CDH18: variants seen among roughly 807,000 people sequenced by gnomAD.
The protein encoded by CDH18 is cadherin 18.
A neutral mutation model predicts 67.9 loss-of-function variants in CDH18; 31 were observed. The ratio of observed to expected loss-of-function variants is 0.46; its 90% confidence interval spans 0.34 to 0.62. The LOEUF (loss-of-function observed/expected upper bound fraction) is 0.62, where lower values mean the gene tolerates loss of function less well. Among genes scored for constraint, CDH18 ranks in the 20% least tolerant of loss-of-function variants. CDH18 has a pLI of 0.01. For synonymous variants in CDH18, 362 were observed against 347.2 expected (o/e 1.04, Z -0.48); for missense variants, 890 against 975.5 (o/e 0.91, Z 1.17).
At chr5:19,877,751 T>C (rs1410386158) in intron 2 of CDH18, among the ~76,000 whole-genome samples, 1 of 152,134 alleles carries the variant, frequency 6.6e-6, no homozygotes, top group Non-Finnish European at 1.5e-5. Flanking sequence ...AAGGCACCGA[T>C]GTAGGAAAAT....
intron 1 of CDH18, among the ~76,000 whole-genome samples, chr5:20,492,184 T>C (rs973495357): frequency 6.6e-6 from 1 of 152,082 alleles, no homozygotes; most frequent in African/African-American, 2.4e-5. Context: ...CATTGATTTT[T>C]TTTTTGCCAG....
intron 5 of CDH18, among the ~76,000 whole-genome samples, chr5:19,688,469 T>C (rs964710839): frequency 5.3e-5 from 8 of 152,146 alleles, no homozygotes; most frequent in African/African-American, 1.4e-4. Context: ...AAGACTATAC[T>C]ACTTAATGCA....
chr5:19,997,824 G>A (rs1247243805), intron 2 of CDH18, among the ~76,000 whole-genome samples: 1 of 150,362 alleles, frequency 6.7e-6, no homozygotes, highest in Non-Finnish European at 1.5e-5. Flanking sequence ...GGCACGCATA[G>A]GGTGTCATGA....
chr5:20,222,923 A>T (rs1741344201), intron 2 of CDH18, among the ~76,000 whole-genome samples: 1 of 152,084 alleles, frequency 6.6e-6, no homozygotes, highest in African/African-American at 2.4e-5. Context: ...ATCATATGAA[A>T]ATATTCTATT....
At chr5:19,852,738 A>G (rs1783848925) in intron 2 of CDH18, among the ~76,000 whole-genome samples, 1 of 152,014 alleles carries the variant, frequency 6.6e-6, no homozygotes, top group Admixed American at 6.6e-5. Context: ...CACTTTTACG[A>G]AAACCCATAC....
chr5:19,536,577 T>C (rs1749455368), intron 9 of CDH18, among the ~76,000 whole-genome samples: 1 of 152,198 alleles, frequency 6.6e-6, no homozygotes, highest in South Asian at 2.1e-4. Flanking sequence ...TGTCATAGGA[T>C]TGGAACTAAA....
intron 1 of CDH18, among the ~76,000 whole-genome samples, chr5:20,569,502 T>C (rs1758691460): frequency 6.6e-6 from 1 of 152,024 alleles, no homozygotes; most frequent in Non-Finnish European, 1.5e-5. Flanking sequence ...TCCCAGCTCC[T>C]TGGGAGGCTG....
At position 19,483,423 on chromosome 5, in the gene CDH18, C is replaced by G. The variant is rs767397387; in HGVS notation, c.1760G>C (p.Arg587Thr). The change falls in exon 12 of 13, where the codon AGG (arginine) becomes ACG (threonine). Residue 587 changes from arginine (R) to threonine (T), a missense_variant. By Grantham distance (71) the Arg-to-Thr change is moderately conservative. Around this residue, in one of 2 missense-constraint regions of CDH18, gnomAD observed 656 missense variants for 668.1 expected, o/e 0.98. Transcript: ENST00000382275. ...CCCATCTCTCTCGCATGCACAAACC[C>G]TGATGGTGAGGGTGCTGCTGCTGCT... ...SLSSSSTLTI[R>T]VCACERDGRV... The G allele has an allele frequency of 3.2e-5, 51 of 1,614,020 alleles. No homozygotes were observed. Among genetic ancestry groups the G allele is most frequent in the Non-Finnish European group, 4.2e-5 (49 of 1,180,026 alleles).
intron 2 of CDH18, among the ~76,000 whole-genome samples, chr5:20,057,760 G>A (rs987465139): frequency 6.6e-6 from 1 of 151,862 alleles, no homozygotes; most frequent in Admixed American, 6.6e-5. Context: ...TTTCTAATTT[G>A]TTTCAGCAAT....
intron 1 of CDH18, chr5:20,304,856 G>A (rs540855578): frequency 1.2e-6 from 2 of 1,611,650 alleles, no homozygotes; most frequent in African/African-American, 1.3e-5. Context: ...CCGTGTTGCT[G>A]TTCAATGTTT....
chr5:20,137,390 T>G (rs1749822572), intron 2 of CDH18, among the ~76,000 whole-genome samples: 1 of 152,190 alleles, frequency 6.6e-6, no homozygotes, highest in Admixed American at 6.6e-5. Context: ...CTGAAGCTTG[T>G]GCATGCATCA....
chr5:20,407,722 A>T (rs77463128), intron 1 of CDH18, among the ~76,000 whole-genome samples: 4 of 149,430 alleles, frequency 2.7e-5, no homozygotes, highest in East Asian at 3.9e-4. Context: ...AAAAAAAATA[A>T]TTTTTTTTTT....
intron 2 of CDH18, among the ~76,000 whole-genome samples, chr5:19,921,424 G>T (rs1240928330): frequency 1.3e-5 from 2 of 151,214 alleles, no homozygotes; most frequent in Non-Finnish European, 2.9e-5. Flanking sequence ...CCAGCTACTC[G>T]GGAGGCTGAG....
intron 1 of CDH18, among the ~76,000 whole-genome samples, chr5:20,350,289 A>G (rs1313772115): frequency 3.9e-5 from 6 of 152,180 alleles, no homozygotes; most frequent in African/African-American, 1.4e-4. Context: ...AAAATGAAGT[A>G]TGAATCAGTG....
intron 1 of CDH18, among the ~76,000 whole-genome samples, chr5:20,564,086 C>T (rs1159706452): frequency 6.6e-6 from 1 of 151,846 alleles, no homozygotes; most frequent in Non-Finnish European, 1.5e-5. Context: ...TTTTCCTTAG[C>T]ATAGTAATAA....
At chr5:20,575,635 A>G (rs1759073138) in exon 1 of CDH18, 1 of 152,084 alleles carries the variant, frequency 6.6e-6, no homozygotes, top group African/African-American at 2.4e-5. Flanking sequence ...CTCTTGTAAA[A>G]AGAAAGGCAC....
intron 2 of CDH18, among the ~76,000 whole-genome samples, chr5:20,203,048 G>C (rs1229021242): frequency 6.6e-6 from 1 of 152,180 alleles, no homozygotes; most frequent in African/African-American, 2.4e-5. Flanking sequence ...ACTAAGCAGA[G>C]AGTAAGAGAA....
At chr5:19,508,264 G>C (rs1485296450) in intron 10 of CDH18, among the ~76,000 whole-genome samples, 1 of 151,938 alleles carries the variant, frequency 6.6e-6, no homozygotes, top group Non-Finnish European at 1.5e-5. Flanking sequence ...ACATGTTTAT[G>C]GTTTTTAGAA....
intron 4 of CDH18, among the ~76,000 whole-genome samples, chr5:19,732,686 T>G (rs1337171376): frequency 3.3e-5 from 5 of 152,192 alleles, no homozygotes; most frequent in African/African-American, 1.2e-4. Context: ...AAAGTTTAAT[T>G]GCTCCCACCT....
Sources: gnomAD v4.1 joint callset for allele counts (sites outside exome capture counted in the v4.1 genomes callset) on GRCh38, gnomAD v4.1.1 for gene constraint, gnomAD v4.1.1 regional missense constraint, MANE v1.5 for transcripts, NCBI Gene and HGNC (gene_info 2026-07-23, HGNC 2026-07-21) for gene names.